GRIP1: variants seen among roughly 807,000 people sequenced by gnomAD.
GRIP1 encodes glutamate receptor interacting protein 1.
A neutral mutation model predicts 129.9 loss-of-function variants in GRIP1; 45 were observed. The observed-to-expected ratio is 0.35, with a 90% CI of 0.27 to 0.44. The LOEUF (loss-of-function observed/expected upper bound fraction) is 0.44. Among genes scored for constraint, GRIP1 ranks in the 20% least tolerant of loss-of-function variants. The pLI, the probability that GRIP1 is intolerant of heterozygous loss-of-function variation, is 1.00. For synonymous variants in GRIP1, 530 were observed against 520.8 expected, an observed-to-expected ratio of 1.02 and a Z score of -0.24; for missense variants, 1,196 against 1,396.8, an observed-to-expected ratio of 0.86 and a Z score of 2.29.
intron 1 of GRIP1, among the ~76,000 whole-genome samples, chr12:67,067,294 C>A (rs1268672017): frequency 6.6e-6 from 1 of 151,990 alleles, no homozygotes; most frequent in African/African-American, 2.4e-5. Flanking sequence ...TCGTGACAAT[C>A]CAAAAATCTA....
intron 1 of GRIP1, among the ~76,000 whole-genome samples, chr12:66,704,321 T>G (rs1016321800): frequency 5.3e-5 from 8 of 151,996 alleles, no homozygotes; most frequent in African/African-American, 1.9e-4. Context: ...TTTTTATAAT[T>G]AAAAAAGCTA....
chr12:66,567,228 T>A (rs1455830890), intron 2 of GRIP1, among the ~76,000 whole-genome samples: 2 of 152,192 alleles, frequency 1.3e-5, no homozygotes, highest in African/African-American at 4.8e-5. Context: ...GGGTATCGAT[T>A]TTAGATCTTT....
intron 1 of GRIP1, among the ~76,000 whole-genome samples, chr12:67,031,135 G>A (rs554254528): frequency 6.6e-6 from 1 of 152,216 alleles, no homozygotes; most frequent in East Asian, 1.9e-4. Context: ...GAGACAGTCT[G>A]GGCTGACAGG....
intron 1 of GRIP1, among the ~76,000 whole-genome samples, chr12:66,924,504 TC>T (rs1177995798): frequency 6.6e-5 from 10 of 152,230 alleles, no homozygotes. Context: ...ATTCCTGTTG[TC>T]TTCTCTGGGC....
At position 66,379,327 on chromosome 12, in the gene GRIP1, T is replaced by C. The variant is rs1565681808; in HGVS notation, c.2574A>G (p.Pro858=). 6.2e-7 allele frequency: 1 copy of C among 1,613,856 alleles called. No homozygotes were observed. The change falls in exon 20 of 25, where the codon CCA becomes CCG. Residue 858 remains proline (P), a synonymous_variant. Coordinates refer to ENST00000359742, the MANE Select transcript of GRIP1 (RefSeq NM_001366722.1). ...AGTCTTCATAACTCAGCCCCACATC[T>C]GGGTAAGTCTGGCTTCGAGGCTTAG... is the stretch of plus-strand genomic sequence containing the variant. ...PVTKPRSQTY[P]DVGLSYEDWD...
intron 1 of GRIP1, among the ~76,000 whole-genome samples, chr12:66,947,545 G>A (rs533943058): frequency 2.1e-4 from 32 of 152,322 alleles, no homozygotes; most frequent in African/African-American, 6.7e-4. Context: ...AGTTGATACG[G>A]TACATGCTGC....
chr12:66,365,902 C>T lies in GRIP1; in HGVS notation c.3012+5792G>A, dbSNP rs142716966. On this transcript the variant is annotated intron_variant, in intron 23 of 24. Coordinates refer to ENST00000359742, the MANE Select transcript of GRIP1 (RefSeq NM_001366722.1). Reference sequence around the variant, plus strand: ...AAATGCTATCTTGTGAAGTCTCCCTCTTCTGATAACAAGTGACCCTGCTCC... The same window carrying T: ...AAATGCTATCTTGTGAAGTCTCCCTTTTCTGATAACAAGTGACCCTGCTCC... Among the ~76,000 whole-genome samples the T allele has an allele frequency of 1.6e-4, 24 of 152,310 alleles. No individual in the cohort carries two copies. The East Asian group carries it at 4.2e-3, about 27-fold the overall frequency.
chr12:66,996,834 T>A (rs1188496410), intron 1 of GRIP1, among the ~76,000 whole-genome samples: 1 of 152,094 alleles, frequency 6.6e-6, no homozygotes, highest in African/African-American at 2.4e-5. Flanking sequence ...GTTCTTACCA[T>A]CCCCACATCT....
chr12:66,819,366 G>A (rs2039279470), intron 1 of GRIP1, among the ~76,000 whole-genome samples: 2 of 152,238 alleles, frequency 1.3e-5, no homozygotes, highest in Admixed American at 1.3e-4. Flanking sequence ...GTTTTAAAAT[G>A]TTAAGTAATT....
intron 1 of GRIP1, among the ~76,000 whole-genome samples, chr12:66,659,928 C>T (rs61926118): frequency 0.024 from 3,653 of 152,204 alleles, 95 homozygotes; most frequent in Admixed American, 0.045. Context: ...ATAGAGTTAA[C>T]ACACAGGTTC....
intron 1 of GRIP1, among the ~76,000 whole-genome samples, chr12:66,744,186 A>T (rs931908159): frequency 1.3e-5 from 2 of 152,240 alleles, no homozygotes; most frequent in African/African-American, 4.8e-5. Context: ...CATGAAAATG[A>T]AAGTAATAAA....
rs538819174 is a variant in GRIP1, at chr12:66,544,538, T to G, written c.137-2588A>C. Among the ~76,000 whole-genome samples, 150 of 152,290 alleles carry G rather than the reference T, an allele frequency of 9.8e-4. 1 individual carries two copies. The highest frequency in any genetic ancestry group is 2.1e-4 in the Non-Finnish European group (14 of 68,012). The stretch of plus-strand genomic sequence containing the variant: ...GCACCATCTATTTTACAATTTTGTC[T>G]TCTAGCCAATCTGCTGTACTTATCG... On this transcript the variant is annotated intron_variant, in intron 2 of 24. Coordinates refer to ENST00000359742, the MANE Select transcript of GRIP1 (RefSeq NM_001366722.1).
chr12:66,665,505 G>T (rs2033746892), intron 1 of GRIP1, among the ~76,000 whole-genome samples: 1 of 152,096 alleles, frequency 6.6e-6, no homozygotes, highest in South Asian at 2.1e-4. Context: ...TACCCTCATA[G>T]ATAGATTTGG....
chr12:66,817,021 C>T (rs775182681), intron 1 of GRIP1, among the ~76,000 whole-genome samples: 2 of 151,924 alleles, frequency 1.3e-5, no homozygotes, highest in African/African-American at 2.4e-5. Context: ...ACATCCTTTC[C>T]TCAGAAAACA....
chr12:67,018,549 C>T (rs1190421452), intron 1 of GRIP1, among the ~76,000 whole-genome samples: 1 of 152,172 alleles, frequency 6.6e-6, no homozygotes, highest in African/African-American at 2.4e-5. Context: ...TTCCCTGAAA[C>T]ATCAGCTCTC....
intron 1 of GRIP1, among the ~76,000 whole-genome samples, chr12:66,788,208 T>A (rs924945090): frequency 6.6e-6 from 1 of 152,070 alleles, no homozygotes; most frequent in Non-Finnish European, 1.5e-5. Flanking sequence ...GACTCTTTTT[T>A]GTTAAATACA....
At chr12:66,878,996 G>A (rs1034559221) in intron 1 of GRIP1, among the ~76,000 whole-genome samples, 3 of 151,894 alleles carry the variant, frequency 2.0e-5, no homozygotes, top group Non-Finnish European at 4.4e-5. Flanking sequence ...TTGAGGGGTT[G>A]GTAGCTAGGG....
At chr12:66,455,591 G>A (rs1206363082) in intron 10 of GRIP1, 27 bp from the exon 11 acceptor site, 5 of 1,609,052 alleles carry the variant, frequency 3.1e-6, no homozygotes, top group Non-Finnish European at 4.2e-6. Flanking sequence ...ACGTTGCACA[G>A]AGCACTCTCA....
At chr12:66,997,591 G>A (rs1026231787) in intron 1 of GRIP1, among the ~76,000 whole-genome samples, 1 of 152,094 alleles carries the variant, frequency 6.6e-6, no homozygotes, top group African/African-American at 2.4e-5. Flanking sequence ...AATAAAGAGA[G>A]GAAAAGGACA....
Sources: gnomAD v4.1 joint callset for allele counts (sites outside exome capture counted in the v4.1 genomes callset) on GRCh38, gnomAD v4.1.1 for gene constraint, MANE v1.5 for transcripts, NCBI Gene and HGNC (gene_info 2026-07-23, HGNC 2026-07-21) for gene names.